VWA5B1: variants seen among roughly 807,000 people sequenced by gnomAD.
The protein encoded by VWA5B1 is von Willebrand factor A domain containing 5B1.
In VWA5B1, 115 loss-of-function variants were observed where a neutral mutation model predicts 118.2. The ratio of observed to expected loss-of-function variants is 0.97; its 90% CI spans 0.84 to 1.14. The LOEUF (loss-of-function observed/expected upper bound fraction) is 1.14. Ranked by LOEUF, VWA5B1 falls within the 50% of genes most tolerant of loss-of-function variation. The pLI is 0.00. For synonymous variants in VWA5B1, 682 were observed against 658.4 expected (o/e 1.04, Z -0.55); for missense variants, 1,596 against 1,603.8 (o/e 1.00, Z 0.08).
At chr1:20,307,808 TTC>T (rs539422214) in intron 1 of VWA5B1, among the ~76,000 whole-genome samples, 345 of 84,680 alleles carry the variant, frequency 4.1e-3, no homozygotes, top group African/African-American at 0.023. Context: ...GGTTCTGACA[TTC>T]TTTTTTTTTT....
intron 11 of VWA5B1, among the ~76,000 whole-genome samples, chr1:20,331,451 G>A (rs1473124349): frequency 6.6e-6 from 1 of 152,210 alleles, no homozygotes; most frequent in Non-Finnish European, 1.5e-5. Context: ...AGACAGGGCT[G>A]GGATTAAGAG....
At chr1:20,348,513 C>G (rs1470049814) in intron 18 of VWA5B1, 155 bp downstream of exon 18, 1 of 750,552 alleles carries the variant, frequency 1.3e-6, no homozygotes, top group Non-Finnish European at 2.3e-6. Context: ...TCCTCCCAGG[C>G]TCTCTGAAGC....
chr1:20,291,674 C>T (rs949658586), intron 1 of VWA5B1, among the ~76,000 whole-genome samples: 2 of 152,150 alleles, frequency 1.3e-5, no homozygotes, highest in South Asian at 2.1e-4. Flanking sequence ...GGCAGCCGGG[C>T]TCATGCCTGC....
rs1440900591 is a variant in VWA5B1, at chr1:20,330,385, CGGCCTTGGCTGAG to C, written c.1457+6_1457+18del. ...CGAAATCACGCCTTCTCCACCAGGT[CGGCCTTGGCTGAG>C]GGTCTAGGCTCGGTGACTCCAGGCT... On this transcript the variant is annotated splice_donor_5th_base_variant and intron_variant, in intron 10 of 21. Transcript: ENST00000289815. 6.4e-6 allele frequency: 10 copies of C among 1,551,444 alleles called. No homozygotes were observed. The highest frequency in any genetic ancestry group is 1.4e-5 in the African/African-American group (1 of 73,050).
At chr1:20,352,206 C>G (rs1291765423) in intron 21 of VWA5B1, 34 bp downstream of exon 21, 1 of 1,492,456 alleles carries the variant, frequency 6.7e-7, no homozygotes, top group Non-Finnish European at 9.1e-7. Flanking sequence ...CAGTCTCCCT[C>G]CGCTCCACTC....
At position 20,310,605 on chromosome 1, in the gene VWA5B1, C is replaced by T. The variant is rs761994117; in HGVS notation, c.4C>T (p.Pro2Ser). 1.3e-6 allele frequency: 2 copies of T among 1,534,930 alleles called. No individual in the cohort carries two copies. The highest frequency in any genetic ancestry group is 2.5e-5 in the South Asian group (2 of 80,908). ...TGAAGGCTGAGTAGCCAGCGGGATG[C>T]CCGGCTTGCTGAATTGGATCACGGG... is the stretch of plus-strand genomic sequence containing the variant. M[P>S]GLLNWITGAA... The change falls in exon 2 of 22, where the codon CCC (proline) becomes TCC (serine). Residue 2 changes from proline to serine, a missense_variant. Physicochemically the swap from Pro to Ser is moderately conservative, Grantham distance 74. Coordinates refer to ENST00000289815, the MANE Select transcript of VWA5B1 (RefSeq NM_001039500.3).
chr1:20,339,668 A>C (rs1570193322), intron 14 of VWA5B1, among the ~76,000 whole-genome samples: 2 of 147,714 alleles, frequency 1.4e-5, no homozygotes, highest in African/African-American at 5.0e-5. Flanking sequence ...TCCAACCACC[A>C]CCCCCATCCC....
intron 1 of VWA5B1, 88 bp from the exon 2 acceptor site, chr1:20,310,488 T>C (rs1474787573): frequency 8.0e-7 from 1 of 1,252,904 alleles, no homozygotes; most frequent in Non-Finnish European, 1.1e-6. Context: ...GATGCTCTGA[T>C]TGCTTGAGGG....
At chr1:20,331,091 CT>C (rs2089540561) in intron 11 of VWA5B1, 108 bp downstream of exon 11, 1 of 912,270 alleles carries the variant, frequency 1.1e-6, no homozygotes, top group African/African-American at 1.7e-5. Flanking sequence ...CAAATCTGAG[CT>C]CTTCACTAGG....
In VWA5B1 at chr1:20,307,199, T is replaced by A. The variant is rs560615057; in HGVS notation, c.-26-3377T>A. 2.6e-5 allele frequency among the ~76,000 whole-genome samples: 4 copies of A among 152,226 alleles called. No individual in the cohort carries two copies. The East Asian group carries it at 7.7e-4, about 29-fold the overall frequency. The stretch of plus-strand genomic sequence containing the variant: ...AAGCCCCACTCACACCAGACACCAT[T>A]CCGAAGACTGAGCCCTGGCTTCCCA... On this transcript the variant is annotated intron_variant, in intron 1 of 21. Transcript: ENST00000289815.
intron 1 of VWA5B1, among the ~76,000 whole-genome samples, chr1:20,302,656 C>T (rs576507251): frequency 8.5e-5 from 13 of 152,256 alleles, no homozygotes; most frequent in South Asian, 2.1e-4. Flanking sequence ...AATGGACACA[C>T]GGCACATGGA....
intron 1 of VWA5B1, among the ~76,000 whole-genome samples, chr1:20,307,489 T>A (rs913834282): frequency 5.9e-5 from 9 of 152,238 alleles, no homozygotes; most frequent in African/African-American, 1.2e-4. Context: ...GAGGCCTCAC[T>A]GTCCTCATCT....
chr1:20,319,444 C>T lies in VWA5B1; in HGVS notation c.904C>T (p.His302Tyr), dbSNP rs541349407. 3 of 1,551,792 alleles carry T rather than the reference C, an allele frequency of 1.9e-6. No individual in the cohort carries two copies. The highest frequency in any genetic ancestry group is 2.7e-5 in the African/African-American group (2 of 73,176). Reference protein sequence around the residue: ...GDMTLGEFDQHLKGRTDFIKG... With the variant: ...GDMTLGEFDQYLKGRTDFIKG... ...CATGACCCTGGGAGAGTTTGACCAG[C>T]ACTTGAAGGGAAGAACAGATTTCAT... Residue 302 changes from histidine (H) to tyrosine (Y), a missense_variant, in exon 7 of 22, where the codon CAC (histidine) becomes TAC (tyrosine). By Grantham distance (83) the His-to-Tyr change is moderately conservative. Transcript: ENST00000289815.
At chr1:20,299,593 G>A (rs1449755194) in intron 1 of VWA5B1, among the ~76,000 whole-genome samples, 3 of 152,062 alleles carry the variant, frequency 2.0e-5, no homozygotes, top group Non-Finnish European at 4.4e-5. Flanking sequence ...TAGTAAAGGC[G>A]GGGTTTCACC....
At chr1:20,331,671 A>G (rs1342919386) in intron 11 of VWA5B1, among the ~76,000 whole-genome samples, 1 of 151,968 alleles carries the variant, frequency 6.6e-6, no homozygotes, top group Non-Finnish European at 1.5e-5. Flanking sequence ...AAAGTCAGGG[A>G]TGTGCTGAAA....
intron 7 of VWA5B1, among the ~76,000 whole-genome samples, chr1:20,321,853 G>A (rs1374540730): frequency 6.6e-6 from 1 of 152,200 alleles, no homozygotes; most frequent in Non-Finnish European, 1.5e-5. Flanking sequence ...AGCAGAGTGG[G>A]TAGAGAGGAG....
chr1:20,309,066 G>T (rs1182726697), intron 1 of VWA5B1, among the ~76,000 whole-genome samples: 1 of 152,092 alleles, frequency 6.6e-6, no homozygotes, highest in African/African-American at 2.4e-5. Flanking sequence ...TTGGGCGAGG[G>T]TCTTGGGAGG....
intron 1 of VWA5B1, among the ~76,000 whole-genome samples, chr1:20,293,577 TCA>T (rs2088351999): frequency 6.6e-6 from 1 of 152,176 alleles, no homozygotes; most frequent in African/African-American, 2.4e-5. Context: ...TCTCGTGGTC[TCA>T]CAGGCGTCCT....
intron 8 of VWA5B1, among the ~76,000 whole-genome samples, chr1:20,323,990 C>T (rs910142830): frequency 3.3e-5 from 5 of 152,220 alleles, no homozygotes; most frequent in Non-Finnish European, 7.3e-5. Context: ...TTTCAGTCAC[C>T]TGCCCAAGGT....
Sources: allele counts gnomAD v4.1 joint callset (sites outside exome capture counted in the v4.1 genomes callset), GRCh38; gene constraint gnomAD v4.1.1; transcripts MANE v1.5; gene names NCBI Gene and HGNC (gene_info 2026-07-23, HGNC 2026-07-21).